The following NBPF9 variants were observed in gnomAD, a reference collection of about 807,000 sequenced individuals.
NBPF9 encodes the protein NBPF family member NBPF9.
A neutral mutation model predicts 97.8 loss-of-function variants in NBPF9; 91 were observed. That is an observed-to-expected ratio of 0.93 (90% CI 0.79 to 1.11). The LOEUF (loss-of-function observed/expected upper bound fraction) is 1.11. Among genes scored for constraint, NBPF9 ranks in the 50% least tolerant of loss-of-function variants. NBPF9 has a pLI of 0.00. For synonymous variants in NBPF9, 334 were observed against 359.5 expected, an observed-to-expected ratio of 0.93 and a Z score of 0.80; for missense variants, 992 against 939.5, an observed-to-expected ratio of 1.06 and a Z score of -0.73.
intron 17 of NBPF9, 188 bp from the exon 18 acceptor site, chr1:149,065,877 C>A (rs1328407826): frequency 1.3e-6 from 1 of 746,688 alleles, no homozygotes; most frequent in Non-Finnish European, 2.1e-6. Context: ...GGGGACAGAG[C>A]AAAAATGGGC....
intron 26 of NBPF9, chr1:149,058,627 C>G: frequency 3.6e-6 from 1 of 278,302 alleles, no homozygotes; most frequent in Non-Finnish European, 6.7e-6. Flanking sequence ...TCTACAAACC[C>G]TTGAGTCCAA....
intron 12 of NBPF9, 53 bp downstream of exon 12, chr1:149,075,602 A>T: frequency 6.6e-7 from 1 of 1,505,276 alleles, no homozygotes; most frequent in Non-Finnish European, 9.2e-7. Context: ...TTCCTCAGAG[A>T]GAAGACAGGA....
At chr1:149,052,318 A>G (rs1415512685), downstream of NBPF9, among the ~76,000 whole-genome samples, 1 of 152,048 alleles carries the variant, frequency 6.6e-6, no homozygotes, top group Non-Finnish European at 1.5e-5. Context: ...GTTTGGGAGA[A>G]AAACAGTGGA....
exon 30 of NBPF9, chr1:149,055,710 C>G: frequency 1.2e-6 from 2 of 1,611,850 alleles, no homozygotes; most frequent in Non-Finnish European, 1.7e-6. Flanking sequence ...TTGTCACCGT[C>G]AAAGTAAAAA....
At chr1:149,081,765 C>A (rs2080472273) in intron 7 of NBPF9, among the ~76,000 whole-genome samples, 200 bp downstream of exon 7, 1 of 132,920 alleles carries the variant, frequency 7.5e-6, no homozygotes, top group African/African-American at 3.0e-5. Flanking sequence ...CCACCCCCAT[C>A]TGATTGCAAA....
At chr1:149,082,918 T>A (rs1425551670) in intron 5 of NBPF9, among the ~76,000 whole-genome samples, 2 of 146,490 alleles carry the variant, frequency 1.4e-5, no homozygotes, top group Non-Finnish European at 3.0e-5. Context: ...TAGCTGGGAA[T>A]ACAGGCGCCC....
At chr1:149,091,516 A>G (rs2081403560) in intron 4 of NBPF9, among the ~76,000 whole-genome samples, 2 of 151,918 alleles carry the variant, frequency 1.3e-5, no homozygotes, top group African/African-American at 4.8e-5. Flanking sequence ...AACATGGATG[A>G]ATCTCAAAAA....
At chr1:149,055,612 G>T (rs782510103) in exon 30 of NBPF9, 1 of 1,611,184 alleles carries the variant, frequency 6.2e-7, no homozygotes, top group Non-Finnish European at 8.5e-7. Context: ...GTGCCTATAG[G>T]TCCTGCCTGC....
intron 16 of NBPF9, 149 bp downstream of exon 16, chr1:149,070,785 G>A (rs1553652732): frequency 4.9e-6 from 7 of 1,433,524 alleles, no homozygotes; most frequent in Non-Finnish European, 5.8e-6. Flanking sequence ...CATGACATTA[G>A]CTGAGAAGGA....
intron 5 of NBPF9, among the ~76,000 whole-genome samples, chr1:149,089,563 G>C (rs1188724613): frequency 2.0e-5 from 3 of 152,300 alleles, no homozygotes; most frequent in African/African-American, 7.2e-5. Flanking sequence ...GGATGGAAAT[G>C]AGTGGAGAGT....
At position 149,055,541 on chromosome 1, in the gene NBPF9, C is replaced by T. The variant is rs1450260466; in HGVS notation, c.*115G>A. The T allele has an allele frequency of 1.0e-5, 16 of 1,566,846 alleles. No homozygotes were observed. In the Admixed American group the frequency reaches 2.2e-4, roughly 21 times the overall value. ...TTTGAGAATAGGAATAGAGCCATGC[C>T]CACTGACCCATCCTATGTCTGGGCT... On this transcript the variant is annotated 3_prime_UTR_variant, in exon 30 of 30. Transcript: ENST00000584027.
intron 5 of NBPF9, among the ~76,000 whole-genome samples, chr1:149,084,520 G>A (rs1166334520): frequency 1.4e-5 from 2 of 147,436 alleles, no homozygotes; most frequent in African/African-American, 2.5e-5. Context: ...CACCTGCATC[G>A]AGCTCTCCGC....
At chr1:149,055,365 C>T (rs2078135260) in exon 30 of NBPF9, 3 of 600,906 alleles carry the variant, frequency 5.0e-6, no homozygotes, top group Non-Finnish European at 8.4e-6. Flanking sequence ...AATGAAATCC[C>T]TGAGGAATTT....
intron 12 of NBPF9, among the ~76,000 whole-genome samples, chr1:149,074,346 T>C (rs2079670530): frequency 6.6e-6 from 1 of 151,508 alleles, no homozygotes. Context: ...TTTTAAATCA[T>C]ATCTTCAGTT....
At chr1:149,074,785 T>C (rs1553653876) in intron 12 of NBPF9, among the ~76,000 whole-genome samples, 3 of 150,192 alleles carry the variant, frequency 2.0e-5, no homozygotes, top group Non-Finnish European at 3.0e-5. Context: ...CTCTCTGCTT[T>C]TTATTCTTAT....
At chr1:149,088,805 G>C (rs2081215967) in intron 5 of NBPF9, among the ~76,000 whole-genome samples, 2 of 152,002 alleles carry the variant, frequency 1.3e-5, no homozygotes, top group Admixed American at 1.3e-4. Context: ...GATCACACTT[G>C]TGGCAGCATT....
At chr1:149,100,758 T>C (rs1553663101) in intron 3 of NBPF9, among the ~76,000 whole-genome samples, 2 of 151,998 alleles carry the variant, frequency 1.3e-5, no homozygotes, top group Admixed American at 1.3e-4. Context: ...ACATGTTGAA[T>C]CCCCATCTCT....
At chr1:149,080,694 G>A (rs1195062929) in intron 7 of NBPF9, among the ~76,000 whole-genome samples, 2 of 145,060 alleles carry the variant, frequency 1.4e-5, no homozygotes, top group Admixed American at 1.4e-4. Flanking sequence ...AGACAATAAG[G>A]CCATGAAGGA....
Position 149,059,603 on chromosome 1 carries a change from C to T in NBPF9, c.2585+97G>A, listed in dbSNP as rs2078470574. The T allele has an allele frequency of 5.8e-6, 3 of 512,890 alleles. 1 individual carries two copies. Among genetic ancestry groups the T allele is most frequent in the South Asian group, 2.2e-5 (1 of 46,094 alleles). The allele number at this position is 512,890 out of a possible 1,614,324, so 31.8% of individuals were successfully genotyped here. ...ATGACAGTAGGAGTAATTCAGCCTT[C>T]GTTGAAAACGTGACATCAAACACAC... is the stretch of plus-strand genomic sequence containing the variant. On this transcript the variant is annotated intron_variant, in intron 25 of 29. Transcript: ENST00000584027.
Sources: allele counts gnomAD v4.1 joint callset (sites outside exome capture counted in the v4.1 genomes callset), GRCh38; gene constraint gnomAD v4.1.1; transcripts MANE v1.5; gene names NCBI Gene and HGNC (gene_info 2026-07-23, HGNC 2026-07-21).